The following TPRG1 variants were observed in gnomAD, a reference collection of about 807,000 sequenced individuals.
The protein encoded by TPRG1 is tumor protein p63 regulated 1, also known as tumor protein p63-regulated gene 1 protein.
TPRG1 carries 29 observed loss-of-function variants against 29.3 expected under a neutral mutation model. That is an observed-to-expected ratio of 0.99 (90% confidence interval 0.74 to 1.35). The LOEUF is 1.35. Ranked by LOEUF, TPRG1 falls within the 40% of genes most tolerant of loss-of-function variation. The pLI is 0.00. For synonymous variants in TPRG1, 130 were observed against 116.8 expected (o/e 1.11, Z -0.73); for missense variants, 327 against 335.0 (o/e 0.98, Z 0.19).
At chr3:189,216,859 C>T (rs551245001) in intron 3 of TPRG1, among the ~76,000 whole-genome samples, 3 of 152,326 alleles carry the variant, frequency 2.0e-5, no homozygotes, top group Admixed American at 2.0e-4. Context: ...AATGAATATT[C>T]TGCCTTGATT....
intron 3 of TPRG1, among the ~76,000 whole-genome samples, chr3:189,225,762 T>C (rs753095355): frequency 6.6e-5 from 10 of 151,078 alleles, no homozygotes; most frequent in African/African-American, 1.7e-4. Context: ...GCAAGAAGGG[T>C]GAAGAGAAGG....
chr3:189,022,720 G>C (rs1332797428), intron 3 of TPRG1, among the ~76,000 whole-genome samples: 1 of 152,252 alleles, frequency 6.6e-6, no homozygotes, highest in Non-Finnish European at 1.5e-5. Flanking sequence ...AGCCTAAAGA[G>C]GCAGGCAGGC....
chr3:189,160,434 G>C (rs776863332), intron 5 of TPRG1, among the ~76,000 whole-genome samples: 1 of 152,158 alleles, frequency 6.6e-6, no homozygotes, highest in African/African-American at 2.4e-5. Context: ...CATCTATTTT[G>C]TGCTGTTGTA....
intron 3 of TPRG1, among the ~76,000 whole-genome samples, chr3:189,022,902 G>C (rs1713429209): frequency 6.6e-6 from 1 of 152,212 alleles, no homozygotes; most frequent in African/African-American, 2.4e-5. Context: ...AGGACCCTCC[G>C]AGCCAGGTGC....
chr3:189,152,730 A>C (rs530890667), intron 5 of TPRG1, among the ~76,000 whole-genome samples: 2 of 151,632 alleles, frequency 1.3e-5, no homozygotes, highest in South Asian at 4.2e-4. Flanking sequence ...AAAAAGTAGG[A>C]TTGCTACCCT....
chr3:189,011,902 T>C (rs1366851457), intron 3 of TPRG1, among the ~76,000 whole-genome samples: 2 of 152,210 alleles, frequency 1.3e-5, no homozygotes, highest in Admixed American at 6.5e-5. Flanking sequence ...CAATTGTGAA[T>C]GGGAGTTCAT....
In TPRG1 at chr3:189,173,886, C is replaced by T. The variant is rs117240696; in HGVS notation, c.-10+1755C>T. ...GCTTAGCATCTACTGGAGATGGTAT[C>T]ATGCCCTTTAGAGCAGGGAAATCTG... On this transcript the variant is annotated intron_variant, in intron 1 of 5. Coordinates refer to ENST00000345063, the MANE Select transcript of TPRG1 (RefSeq NM_198485.4). 6.2e-3 allele frequency among the ~76,000 whole-genome samples: 951 copies of T among 152,272 alleles called. 33 individuals are homozygous for T. Among genetic ancestry groups the T allele is most frequent in the Admixed American group, 0.058 (880 of 15,298 alleles).
intron 4 of TPRG1, chr3:189,024,024 C>T (rs999064983): frequency 6.6e-6 from 1 of 152,470 alleles, no homozygotes; most frequent in Non-Finnish European, 1.5e-5. Flanking sequence ...GGTAGAGCAG[C>T]TTTGCTGTGT....
At position 189,223,856 on chromosome 3, in the gene TPRG1, AATT is replaced by A. The variant is rs975157592; in HGVS notation, c.302+8484_302+8486del. The stretch of plus-strand genomic sequence containing the variant: ...TTATGTCATGTAAGAGTTGGCTTTT[AATT>A]ATTATTATTAGTAGTAATATTTATT... On this transcript the variant is annotated intron_variant, in intron 3 of 5. Coordinates refer to ENST00000345063, the MANE Select transcript of TPRG1 (RefSeq NM_198485.4). Among the ~76,000 whole-genome samples, 189 of 152,224 alleles carry A rather than the reference AATT, an allele frequency of 1.2e-3. 1 individual carries two copies. Among genetic ancestry groups the A allele is most frequent in the African/African-American group, 4.3e-3 (177 of 41,532 alleles).
intron 3 of TPRG1, among the ~76,000 whole-genome samples, chr3:189,228,229 T>A (rs1738085017): frequency 6.8e-6 from 1 of 147,734 alleles, no homozygotes; most frequent in African/African-American, 2.7e-5. Context: ...TTAATTTACA[T>A]TTTTTTTCCA....
chr3:189,189,708 A>G (rs1010067305), intron 1 of TPRG1, among the ~76,000 whole-genome samples: 2 of 152,244 alleles, frequency 1.3e-5, no homozygotes, highest in Admixed American at 1.3e-4. Context: ...CCTATCCCGG[A>G]CGGGGTGTTG....
intron 1 of TPRG1, among the ~76,000 whole-genome samples, chr3:189,118,446 A>T (rs946464881): frequency 3.9e-4 from 60 of 152,346 alleles, no homozygotes; most frequent in African/African-American, 1.4e-3. Context: ...AGAAAGTTGT[A>T]TAAGTATCAA....
intron 3 of TPRG1, among the ~76,000 whole-genome samples, chr3:189,010,493 A>G (rs1403264694): frequency 1.3e-5 from 2 of 152,148 alleles, no homozygotes. Flanking sequence ...GTGAGATGGT[A>G]TCTCATTGTG....
intron 1 of TPRG1, among the ~76,000 whole-genome samples, chr3:189,192,449 G>A (rs990509650): frequency 1.3e-5 from 2 of 152,208 alleles, no homozygotes; most frequent in African/African-American, 4.8e-5. Flanking sequence ...ATGTACTAGT[G>A]AAGAGGATGT....
chr3:189,157,037 G>A (rs1726780848), intron 5 of TPRG1, among the ~76,000 whole-genome samples: 1 of 152,160 alleles, frequency 6.6e-6, no homozygotes, highest in African/African-American at 2.4e-5. Context: ...CCAGGGAGTT[G>A]GAGCGCCTGG....
intron 4 of TPRG1, among the ~76,000 whole-genome samples, chr3:189,094,324 G>A (rs553616020): frequency 3.2e-4 from 48 of 152,282 alleles, no homozygotes; most frequent in Admixed American, 1.0e-3. Context: ...ACAAAATGAA[G>A]AGATGTTCTC....
At chr3:189,037,932 G>C (rs1578224861) in intron 4 of TPRG1, among the ~76,000 whole-genome samples, 2 of 150,770 alleles carry the variant, frequency 1.3e-5, no homozygotes, top group East Asian at 3.9e-4. Flanking sequence ...AGATCTGAAT[G>C]AATACAGAGA....
intron 3 of TPRG1, chr3:189,218,016 A>C: frequency 1.0e-6 from 1 of 985,452 alleles, no homozygotes; most frequent in Non-Finnish European, 1.2e-6. Context: ...AAGAGCTTGC[A>C]ATTACTCCTG....
At chr3:189,021,503 C>T (rs1713307173) in intron 3 of TPRG1, among the ~76,000 whole-genome samples, 1 of 152,084 alleles carries the variant, frequency 6.6e-6, no homozygotes, top group African/African-American at 2.4e-5. Context: ...CTTAGTTTGG[C>T]TGGATATGAA....
Sources: allele counts gnomAD v4.1 joint callset (sites outside exome capture counted in the v4.1 genomes callset), GRCh38; gene constraint gnomAD v4.1.1; transcripts MANE v1.5; gene names NCBI Gene and HGNC (gene_info 2026-07-23, HGNC 2026-07-21).